The following ZFHX3 variants were observed in gnomAD, a reference collection of about 807,000 sequenced individuals.
ZFHX3 encodes zinc finger homeobox 3.
A neutral mutation model predicts 279.1 loss-of-function variants in ZFHX3; 42 were observed. That is an observed-to-expected ratio of 0.15 (90% CI 0.12 to 0.19). ZFHX3 has a LOEUF of 0.19. ZFHX3 is among the 10% of genes least tolerant of loss of function. The probability of loss-of-function intolerance (pLI) is 1.00; values close to 1 mark genes in which losing one functional copy is unlikely to be tolerated. For missense variants in ZFHX3, 4,981 were observed against 4,754.0 expected (o/e 1.05, Z -1.40); for synonymous variants, 2,293 against 1,957.8 (o/e 1.17, Z -4.52).
intron 2 of ZFHX3, among the ~76,000 whole-genome samples, chr16:73,562,250 G>A (rs1200534546): frequency 6.6e-6 from 1 of 152,146 alleles, no homozygotes; most frequent in African/African-American, 2.4e-5. Context: ...TGAAGGTTGT[G>A]CCCTGAAGTT....
chr16:73,111,966 C>G (rs1006037788), intron 7 of ZFHX3, among the ~76,000 whole-genome samples: 3 of 152,020 alleles, frequency 2.0e-5, no homozygotes, highest in African/African-American at 4.8e-5. Context: ...AGCCCACTGA[C>G]CGTCCTCTAC....
intron 4 of ZFHX3, among the ~76,000 whole-genome samples, chr16:73,296,382 C>G (rs1178555587): frequency 6.6e-6 from 1 of 152,066 alleles, no homozygotes; most frequent in African/African-American, 2.4e-5. Context: ...CTTCCATACC[C>G]TTGATGTGGG....
At chr16:73,751,050 T>G (rs2053757787) in intron 1 of ZFHX3, among the ~76,000 whole-genome samples, 1 of 152,212 alleles carries the variant, frequency 6.6e-6, no homozygotes, top group Admixed American at 6.5e-5. Flanking sequence ...GGCAGTATTT[T>G]GCATCCATTT....
chr16:73,488,820 G>A (rs1464398703), intron 2 of ZFHX3, among the ~76,000 whole-genome samples: 3 of 152,186 alleles, frequency 2.0e-5, no homozygotes, highest in Admixed American at 1.3e-4. Flanking sequence ...AAGACAGACT[G>A]GAGATGAAGA....
chr16:73,517,798 TC>T (rs2019548781), intron 2 of ZFHX3, among the ~76,000 whole-genome samples: 1 of 152,172 alleles, frequency 6.6e-6, no homozygotes, highest in Non-Finnish European at 1.5e-5. Context: ...GCGATGTACA[TC>T]CTCAGTTGCT....
At chr16:73,223,421 C>T (rs989200492) in intron 5 of ZFHX3, among the ~76,000 whole-genome samples, 5 of 152,082 alleles carry the variant, frequency 3.3e-5, no homozygotes, top group Middle Eastern at 3.2e-3. Flanking sequence ...CCTTAACAGA[C>T]GCCTCACCAA....
At chr16:73,870,923 T>A (rs1336444093) in intron 1 of ZFHX3, among the ~76,000 whole-genome samples, 2 of 152,122 alleles carry the variant, frequency 1.3e-5, no homozygotes, top group Non-Finnish European at 2.9e-5. Flanking sequence ...AATGGGCAAT[T>A]TTTTTAATCT....
In ZFHX3 at chr16:73,678,664, CA is replaced by C. The variant is rs146855854; in HGVS notation, c.-1547+1515del. On this transcript the variant is annotated intron_variant, in intron 2 of 17. Coordinates refer to the ZFHX3 transcript ENST00000641206. ...TGGCAAGTGTCTGGATATGACTCACCAAAAAAACTGCTATATGTCTGAAGGA... is the reference window on the plus strand; with the variant it reads ...TGGCAAGTGTCTGGATATGACTCACCAAAAAACTGCTATATGTCTGAAGGA... 8.9e-3 allele frequency among the ~76,000 whole-genome samples: 1,356 copies of C among 152,062 alleles called. 23 individuals carry two copies. Among genetic ancestry groups the C allele is most frequent in the African/African-American group, 0.03 (1,257 of 41,472 alleles).
chr16:73,164,194 ATC>A (rs1234852498), intron 5 of ZFHX3, among the ~76,000 whole-genome samples: 1 of 152,204 alleles, frequency 6.6e-6, no homozygotes, highest in African/African-American at 2.4e-5. Context: ...CATTTCCTGA[ATC>A]TCTCTGTCCT....
intron 1 of ZFHX3, among the ~76,000 whole-genome samples, chr16:73,876,646 A>G (rs2029955845): frequency 1.3e-5 from 2 of 151,960 alleles, no homozygotes; most frequent in African/African-American, 2.4e-5. Context: ...CCTTTAATCA[A>G]CTCCCCAGTT....
chr16:73,037,943 C>CG (rs1964971165), intron 1 of ZFHX3, among the ~76,000 whole-genome samples: 1 of 152,174 alleles, frequency 6.6e-6, no homozygotes, highest in Non-Finnish European at 1.5e-5. Flanking sequence ...CCCAGGCATA[C>CG]GGTTATCTGG....
intron 3 of ZFHX3, among the ~76,000 whole-genome samples, chr16:72,927,053 A>G (rs946691269): frequency 2.6e-5 from 4 of 152,188 alleles, no homozygotes; most frequent in Admixed American, 6.5e-5. Context: ...ACTTGAAATT[A>G]CCTCTAAAAA....
chr16:73,083,687 A>G (rs914909410), intron 8 of ZFHX3, among the ~76,000 whole-genome samples: 2 of 151,886 alleles, frequency 1.3e-5, no homozygotes, highest in Admixed American at 6.6e-5. Context: ...GCACCATCAC[A>G]CCTGGTTAAC....
chr16:73,254,180 T>C (rs1447049368), intron 5 of ZFHX3, among the ~76,000 whole-genome samples: 2 of 152,150 alleles, frequency 1.3e-5, no homozygotes, highest in Non-Finnish European at 2.9e-5. Context: ...GGACTTCTCA[T>C]TGGCCCAGGT....
rs750737348 is a variant in ZFHX3, at chr16:73,840,512, TCAA to T, written c.-1608+51136_-1608+51138del. Among the ~76,000 whole-genome samples, 16 of 152,334 alleles carry T rather than the reference TCAA, an allele frequency of 1.1e-4. 1 individual carries two copies. Among genetic ancestry groups the T allele is most frequent in the Admixed American group, 6.5e-4 (10 of 15,302 alleles). ...TCCTCAGGAATTGGCTGGCATTTTC[TCAA>T]CAACAATGTCCTTTGATATAGAACC... On this transcript the variant is annotated intron_variant, in intron 1 of 17. Coordinates refer to the ZFHX3 transcript ENST00000641206.
intron 3 of ZFHX3, among the ~76,000 whole-genome samples, chr16:72,941,534 C>T (rs1053489072): frequency 3.9e-5 from 6 of 152,128 alleles, no homozygotes; most frequent in African/African-American, 1.4e-4. Flanking sequence ...TTATGAGATA[C>T]ACTTACACAA....
intron 1 of ZFHX3, among the ~76,000 whole-genome samples, chr16:73,025,837 G>A (rs1298014310): frequency 6.6e-6 from 1 of 152,156 alleles, no homozygotes; most frequent in African/African-American, 2.4e-5. Context: ...AGCAGTCACT[G>A]AGGAAAATTG....
intron 1 of ZFHX3, among the ~76,000 whole-genome samples, chr16:73,891,480 C>T (rs559532223): frequency 1.1e-4 from 16 of 151,632 alleles, no homozygotes; most frequent in Admixed American, 1.1e-3. Flanking sequence ...AAGAAAACAG[C>T]TACTGAGAAG....
At chr16:73,446,901 C>G (rs2018196054) in intron 3 of ZFHX3, among the ~76,000 whole-genome samples, 2 of 152,070 alleles carry the variant, frequency 1.3e-5, no homozygotes. Flanking sequence ...ACAAAAAAGG[C>G]TGGGCACGGT....
Sources: gnomAD v4.1 joint callset for allele counts (sites outside exome capture counted in the v4.1 genomes callset) on GRCh38, gnomAD v4.1.1 for gene constraint, MANE v1.5 for transcripts, NCBI Gene and HGNC (gene_info 2026-07-23, HGNC 2026-07-21) for gene names.